Variants in CDKL3 observed in about 807,000 individuals in gnomAD.
The protein encoded by CDKL3 is cyclin dependent kinase like 3, also known as cyclin-dependent kinase-like 3.
Under a neutral mutation model 69.3 loss-of-function variants are expected in CDKL3, and 65 were observed. The observed-to-expected ratio is 0.94, with a 90% confidence interval of 0.77 to 1.15. The LOEUF (loss-of-function observed/expected upper bound fraction) is 1.15. Ranked by LOEUF, CDKL3 falls within the 50% of genes most tolerant of loss-of-function variation. The pLI is 0.00. For missense variants in CDKL3, 652 were observed against 689.2 expected (o/e 0.95, Z 0.61); for synonymous variants, 202 against 221.6 (o/e 0.91, Z 0.79).
intron 7 of CDKL3, 31 bp from the exon 8 acceptor site, chr5:134,308,758 CT>C: frequency 6.5e-7 from 1 of 1,541,028 alleles, no homozygotes. Context: ...AACGAGTAAT[CT>C]TTTTATATAT....
chr5:134,297,890 TTGTGTGTGTGTGTGTGTG>T (rs528154005), downstream of CDKL3, among the ~76,000 whole-genome samples: 544 of 105,190 alleles, frequency 5.2e-3, 2 homozygotes, highest in African/African-American at 0.016. Flanking sequence ...CATGAATAGT[TTGTGTGTGTGTGTGTGTG>T]TGTGTGTGTG....
At chr5:134,333,895 C>T (rs1167978618) in intron 4 of CDKL3, among the ~76,000 whole-genome samples, 1 of 152,128 alleles carries the variant, frequency 6.6e-6, no homozygotes, top group African/African-American at 2.4e-5. Flanking sequence ...GTACCAGCTC[C>T]TGTTTGTACC....
chr5:134,306,609 T>C lies in CDKL3; in HGVS notation c.1458A>G (p.Gln486=), dbSNP rs1314847116. The C allele has an allele frequency of 2.5e-6, 4 of 1,573,622 alleles. No individual in the cohort carries two copies. The highest frequency in any genetic ancestry group is 3.5e-6 in the Non-Finnish European group (4 of 1,149,256). The change falls in exon 10 of 13, where the codon CAA becomes CAG. Residue 486 remains glutamine, a splice_region_variant and synonymous_variant. Coordinates refer to ENST00000265334, the MANE Select transcript of CDKL3 (RefSeq NM_001113575.2). ...NSRQEDPGPI[Q]SQMEKGIFNE... is the part of the protein sequence containing the mutation. ...TTTAATGTGTAGCTTCTTGCCTTACTTGAATAGGACCTGGATCCTCTTGCC... is the reference window on the plus strand; with the variant it reads ...TTTAATGTGTAGCTTCTTGCCTTACCTGAATAGGACCTGGATCCTCTTGCC...
intron 4 of CDKL3, among the ~76,000 whole-genome samples, chr5:134,338,290 G>A (rs2149549916): frequency 6.6e-6 from 1 of 152,172 alleles, no homozygotes; most frequent in Non-Finnish European, 1.5e-5. Flanking sequence ...TTCTATACCT[G>A]TATCACTGGA....
chr5:134,288,676 A>C (rs1034772129), intron 8 of CDKL3, among the ~76,000 whole-genome samples: 2 of 152,238 alleles, frequency 1.3e-5, no homozygotes, highest in African/African-American at 2.4e-5. Flanking sequence ...TCCTTGAAGA[A>C]GACACAGAGA....
chr5:134,297,590 T>C (rs899864974), downstream of CDKL3, among the ~76,000 whole-genome samples: 1 of 151,810 alleles, frequency 6.6e-6, no homozygotes, highest in Non-Finnish European at 1.5e-5. Context: ...TTCTTTCTTT[T>C]TTTTTTTTGA....
chr5:134,318,248 TAATA>T (rs1399523549), intron 6 of CDKL3, among the ~76,000 whole-genome samples: 1 of 150,506 alleles, frequency 6.6e-6, no homozygotes, highest in Non-Finnish European at 1.5e-5. Context: ...AAAGCAAAAA[TAATA>T]AATAATAAAT....
intron 3 of CDKL3, among the ~76,000 whole-genome samples, chr5:134,356,910 G>A (rs1021949941): frequency 6.6e-6 from 1 of 151,766 alleles, no homozygotes; most frequent in Non-Finnish European, 1.5e-5. Flanking sequence ...ATCCTTGGGA[G>A]TATCGTATTA....
chr5:134,371,400 T>G, upstream of CDKL3: 2 of 724,910 alleles, frequency 2.8e-6, no homozygotes, highest in Non-Finnish European at 4.5e-6. Context: ...GCACTCACAC[T>G]GTGGTAGCGG....
chr5:134,356,845 T>C (rs1318543071), intron 3 of CDKL3, among the ~76,000 whole-genome samples: 2 of 151,760 alleles, frequency 1.3e-5, no homozygotes, highest in African/African-American at 4.9e-5. Context: ...AAATGGTTAG[T>C]TTTGTTTTAC....
intron 6 of CDKL3, chr5:134,318,941 T>C (rs1256312540): frequency 6.5e-6 from 1 of 152,760 alleles, no homozygotes; most frequent in Non-Finnish European, 1.5e-5. Flanking sequence ...ACTTTAGGAA[T>C]CCTTTTGGAA....
At chr5:134,369,505 C>A (rs1758109409), upstream of CDKL3, among the ~76,000 whole-genome samples, 1 of 152,208 alleles carries the variant, frequency 6.6e-6, no homozygotes, top group African/African-American at 2.4e-5. Context: ...ACTTTTCCCA[C>A]TTTCCTTGTA....
upstream of CDKL3, among the ~76,000 whole-genome samples, chr5:134,370,434 T>C (rs1008369983): frequency 6.6e-6 from 1 of 152,200 alleles, no homozygotes; most frequent in African/African-American, 2.4e-5. Context: ...TATATAACCC[T>C]CACTCATGTC....
chr5:134,313,891 A>T (rs1041172664), intron 6 of CDKL3, among the ~76,000 whole-genome samples: 1 of 151,832 alleles, frequency 6.6e-6, no homozygotes, highest in African/African-American at 2.4e-5. Flanking sequence ...TAATCCCAGC[A>T]CTTTGGGGGG....
At position 134,359,956 on chromosome 5, in the gene CDKL3, G is replaced by A. The variant is rs371649067; in HGVS notation, c.301C>T (p.Arg101Ter). Residue 101 changes from arginine (R) to a stop codon, truncating the protein, a stop_gained, in exon 3 of 13, where the codon CGA becomes TGA. Transcript: ENST00000265334. LOFTEE classifies it high-confidence loss of function. ...ATCTGGAAGAGGTATTTTCTAAGTCGCTTACTCTCTAGTCCATGACAATAA... is the reference window on the plus strand; with the variant it reads ...ATCTGGAAGAGGTATTTTCTAAGTCACTTACTCTCTAGTCCATGACAATAA... ...QHYCHGLESK[R>*]LRKYLFQILR... The A allele has an allele frequency of 5.7e-5, 90 of 1,584,810 alleles. 1 individual carries two copies. Among genetic ancestry groups the A allele is most frequent in the South Asian group, 2.1e-4 (18 of 86,588 alleles).
Position 134,304,487 on chromosome 5 carries a change from A to G in CDKL3, c.1539T>C (p.Asn513=), listed in dbSNP as rs761410276. Residue 513 remains asparagine, a synonymous_variant, in exon 11 of 13, where the codon AAT becomes AAC. Coordinates refer to ENST00000265334, the MANE Select transcript of CDKL3 (RefSeq NM_001113575.2). ...ATTCTTTCCTGTCAGATCTGGAAAA[A>G]TTCAGCTTCCTTTTGTTCTCATTTG... ...QMANENKRKL[N]FSRSDRKEFH... 1.9e-6 allele frequency: 3 copies of G among 1,612,930 alleles called. No homozygotes were observed. The South Asian group carries it at 3.3e-5, about 18-fold the overall frequency.
intron 4 of CDKL3, among the ~76,000 whole-genome samples, chr5:134,343,183 C>T (rs1581127907): frequency 7.3e-6 from 1 of 137,456 alleles, no homozygotes; most frequent in African/African-American, 2.8e-5. Flanking sequence ...CCAGCCTGGG[C>T]AACAGAGTGA....
At chr5:134,288,004 C>A (rs1208608794) in intron 8 of CDKL3, among the ~76,000 whole-genome samples, 4 of 151,392 alleles carry the variant, frequency 2.6e-5, no homozygotes, top group African/African-American at 9.7e-5. Context: ...AAGTGATTCT[C>A]CTGCCTCAGC....
At chr5:134,299,180 T>C (rs1765715839) in intron 12 of CDKL3, among the ~76,000 whole-genome samples, 1 of 152,162 alleles carries the variant, frequency 6.6e-6, no homozygotes, top group African/African-American at 2.4e-5. Context: ...CCAATTTCCA[T>C]CCTTTTAAAC....
Sources: gnomAD v4.1 joint callset for allele counts (sites outside exome capture counted in the v4.1 genomes callset) on GRCh38, gnomAD v4.1.1 for gene constraint, MANE v1.5 for transcripts, NCBI Gene and HGNC (gene_info 2026-07-23, HGNC 2026-07-21) for gene names.